Variants in CAMK1D observed in about 807,000 individuals in gnomAD.
CAMK1D encodes the protein calcium/calmodulin-dependent protein kinase type 1D.
CAMK1D carries 9 observed loss-of-function variants against 47.7 expected under a neutral mutation model. The observed-to-expected ratio is 0.19, with a 90% CI of 0.11 to 0.33. The LOEUF (loss-of-function observed/expected upper bound fraction) is 0.33. Ranked by LOEUF, CAMK1D falls within the 10% of genes least tolerant of loss-of-function variation. The probability of loss-of-function intolerance (pLI) is 1.00; values close to 1 mark genes in which losing one functional copy is unlikely to be tolerated. For missense variants in CAMK1D, 291 were observed against 488.7 expected, an observed-to-expected ratio of 0.60 and a Z score of 3.81; for synonymous variants, 184 against 184.9, an observed-to-expected ratio of 0.99 and a Z score of 0.04.
At chr10:12,530,014 A>C (rs1390978646) in intron 1 of CAMK1D, among the ~76,000 whole-genome samples, 1 of 152,254 alleles carries the variant, frequency 6.6e-6, no homozygotes, top group Non-Finnish European at 1.5e-5. Flanking sequence ...CATTTAGCCA[A>C]CTGGCAACCC....
intron 6 of CAMK1D, among the ~76,000 whole-genome samples, chr10:12,800,643 G>A (rs771611754): frequency 8.5e-5 from 13 of 152,204 alleles, no homozygotes; most frequent in Non-Finnish European, 1.0e-4. Flanking sequence ...TTGTTGCTTC[G>A]GTCATTTTTA....
chr10:12,634,057 G>C (rs1017755055), intron 2 of CAMK1D, among the ~76,000 whole-genome samples: 1 of 152,184 alleles, frequency 6.6e-6, no homozygotes, highest in African/African-American at 2.4e-5. Context: ...GGCTCCTGGG[G>C]AATTGGGAGG....
intron 2 of CAMK1D, among the ~76,000 whole-genome samples, chr10:12,612,488 G>A (rs144236136): frequency 1.2e-3 from 188 of 152,088 alleles, no homozygotes; most frequent in African/African-American, 4.3e-3. Context: ...ATTAAGGCAT[G>A]AACCACCATG....
intron 3 of CAMK1D, among the ~76,000 whole-genome samples, chr10:12,699,138 G>A (rs1429847104): frequency 6.6e-6 from 1 of 152,106 alleles, no homozygotes; most frequent in Non-Finnish European, 1.5e-5. Context: ...GGACTCTCTG[G>A]TGACCCTTTC....
intron 1 of CAMK1D, among the ~76,000 whole-genome samples, chr10:12,518,214 A>G (rs997077290): frequency 6.6e-6 from 1 of 152,224 alleles, no homozygotes; most frequent in African/African-American, 2.4e-5. Context: ...TTATGAATAA[A>G]GTTTTATTGG....
chr10:12,786,637 C>A (rs1255800554), intron 5 of CAMK1D, among the ~76,000 whole-genome samples: 1 of 152,238 alleles, frequency 6.6e-6, no homozygotes, highest in Non-Finnish European at 1.5e-5. Context: ...TAGCTCACTG[C>A]AGCTTCCAAC....
At chr10:12,703,576 A>G (rs1588824612) in intron 3 of CAMK1D, among the ~76,000 whole-genome samples, 2 of 152,212 alleles carry the variant, frequency 1.3e-5, no homozygotes, top group East Asian at 3.9e-4. Context: ...CTTTCAAGAC[A>G]AATTTGAGTG....
intron 6 of CAMK1D, among the ~76,000 whole-genome samples, chr10:12,813,129 G>A (rs1278254215): frequency 6.6e-6 from 1 of 152,158 alleles, no homozygotes; most frequent in African/African-American, 2.4e-5. Context: ...ACTTGCACCA[G>A]CATTAATATG....
At chr10:12,353,242 C>T (rs1165445054) in intron 1 of CAMK1D, among the ~76,000 whole-genome samples, 2 of 152,170 alleles carry the variant, frequency 1.3e-5, no homozygotes, top group Non-Finnish European at 2.9e-5. Flanking sequence ...CATTCATTTC[C>T]AAAGTATGCC....
rs916479943 is a variant in CAMK1D, at chr10:12,772,970, G to A, written c.565+3171G>A. Reference sequence around the variant, plus strand: ...TGTTTCCTCCCTTGCAGTCTGCATGGCAAGCTCCTATTCAGCCACCAAAGC... The same window carrying A: ...TGTTTCCTCCCTTGCAGTCTGCATGACAAGCTCCTATTCAGCCACCAAAGC... On this transcript the variant is annotated intron_variant, in intron 5 of 10. Coordinates refer to ENST00000619168, the MANE Select transcript of CAMK1D (RefSeq NM_153498.4). Among the ~76,000 whole-genome samples the A allele has an allele frequency of 3.9e-5, 6 of 152,130 alleles. 1 individual carries two copies. In the South Asian group the frequency reaches 1.0e-3, roughly 26 times the overall value.
intron 6 of CAMK1D, among the ~76,000 whole-genome samples, chr10:12,804,973 A>G (rs1367052571): frequency 4.6e-5 from 7 of 151,350 alleles, no homozygotes; most frequent in African/African-American, 1.7e-4. Flanking sequence ...TACAAAAAAA[A>G]TACTAGGCCG....
intron 1 of CAMK1D, among the ~76,000 whole-genome samples, chr10:12,532,575 G>A (rs536124162): frequency 1.8e-4 from 28 of 152,230 alleles, no homozygotes; most frequent in Admixed American, 3.9e-4. Flanking sequence ...CACCGTGCCC[G>A]GCCTATCTTT....
At chr10:12,786,518 T>A (rs541565765) in intron 5 of CAMK1D, among the ~76,000 whole-genome samples, 1 of 152,322 alleles carries the variant, frequency 6.6e-6, no homozygotes, top group Admixed American at 6.5e-5. Flanking sequence ...CATAGTGTTA[T>A]CCAAAGCAGA....
chr10:12,726,318 G>A (rs905317109), intron 3 of CAMK1D, among the ~76,000 whole-genome samples: 2 of 151,972 alleles, frequency 1.3e-5, no homozygotes, highest in Non-Finnish European at 2.9e-5. Context: ...CAGCTACTTG[G>A]GAGGCTGAGG....
At chr10:12,541,525 G>A (rs1344657231) in intron 1 of CAMK1D, among the ~76,000 whole-genome samples, 1 of 151,944 alleles carries the variant, frequency 6.6e-6, no homozygotes, top group African/African-American at 2.4e-5. Flanking sequence ...CACCACGCCT[G>A]GCTAATTTTT....
intron 2 of CAMK1D, among the ~76,000 whole-genome samples, chr10:12,647,514 C>T (rs1220213940): frequency 1.3e-5 from 2 of 152,090 alleles, no homozygotes; most frequent in Non-Finnish European, 2.9e-5. Context: ...TATACCAATG[C>T]TTTGTAGAAA....
intron 3 of CAMK1D, among the ~76,000 whole-genome samples, chr10:12,699,342 T>C (rs1833419965): frequency 6.6e-6 from 1 of 152,172 alleles, no homozygotes; most frequent in Non-Finnish European, 1.5e-5. Flanking sequence ...TTGGTAGCCA[T>C]TGCTCTGATT....
At chr10:12,388,576 T>A (rs1838606038) in intron 1 of CAMK1D, among the ~76,000 whole-genome samples, 1 of 152,178 alleles carries the variant, frequency 6.6e-6, no homozygotes, top group Non-Finnish European at 1.5e-5. Context: ...TGGGGGCTGT[T>A]AAGAGGCACA....
intron 2 of CAMK1D, among the ~76,000 whole-genome samples, chr10:12,601,177 TTTTTTTTGTTTG>T (rs1198351773): frequency 4.2e-5 from 1 of 23,990 alleles, no homozygotes; most frequent in East Asian, 4.8e-4. Flanking sequence ...TGATAGTTTT[TTTTTTTTGTTTG>T]TTTGTTTTTT....
Sources: gnomAD v4.1 joint callset for allele counts (sites outside exome capture counted in the v4.1 genomes callset) on GRCh38, gnomAD v4.1.1 for gene constraint, MANE v1.5 for transcripts, NCBI Gene and HGNC (gene_info 2026-07-23, HGNC 2026-07-21) for gene names.